Variants in CEP192 observed in about 807,000 individuals in gnomAD.
CEP192 encodes the protein centrosomal protein 192, also known as centrosomal protein of 192 kDa.
CEP192 carries 151 observed loss-of-function variants against 271.8 expected under a neutral mutation model. The ratio of observed to expected loss-of-function variants is 0.56; its 90% CI spans 0.49 to 0.64. CEP192 has a LOEUF of 0.64. Ranked by LOEUF, CEP192 falls within the 30% of genes least tolerant of loss-of-function variation. The pLI is 0.00. For missense variants in CEP192, 2,910 were observed against 3,020.5 expected, an observed-to-expected ratio of 0.96 and a Z score of 0.86; for synonymous variants, 995 against 1,076.5, an observed-to-expected ratio of 0.92 and a Z score of 1.48.
rs1164843051 is a variant in CEP192 at position 13,116,563 on chromosome 18, A to G, written c.7416+60A>G. 5 of 1,442,320 alleles carry G rather than the reference A, an allele frequency of 3.5e-6. No homozygotes were observed. The Admixed American group carries it at 8.9e-5, about 26-fold the overall frequency. The allele number at this position is 1,442,320 out of a possible 1,614,324, so 89.3% of individuals were successfully genotyped here. On this transcript the variant is annotated intron_variant, in intron 43 of 44. Transcript: ENST00000506447. ...ATACATGCATTCAACTCTGATAACA[A>G]ACATTTTCCTGATGATTCTGTAGAC...
chr18:13,093,447 C>T (rs1699326866), intron 34 of CEP192, among the ~76,000 whole-genome samples: 1 of 152,170 alleles, frequency 6.6e-6, no homozygotes, highest in Admixed American at 6.5e-5. Context: ...CTTAGCCTTT[C>T]CTTATCTTTC....
intron 30 of CEP192, among the ~76,000 whole-genome samples, chr18:13,084,961 G>A (rs559774212): frequency 1.1e-3 from 171 of 150,328 alleles, no homozygotes; most frequent in African/African-American, 3.8e-3. Flanking sequence ...GACTACAAGC[G>A]CATGCCACCA....
chr18:13,006,899 C>T (rs975761543), intron 3 of CEP192, among the ~76,000 whole-genome samples: 3 of 152,188 alleles, frequency 2.0e-5, no homozygotes, highest in African/African-American at 7.2e-5. Context: ...CCTTCCCTCC[C>T]CGTTGTCAGG....
At chr18:13,108,204 G>A (rs1309187245) in intron 40 of CEP192, among the ~76,000 whole-genome samples, 1 of 152,082 alleles carries the variant, frequency 6.6e-6, no homozygotes, top group Non-Finnish European at 1.5e-5. Context: ...ATCCTAGAGG[G>A]AAACTTAGGA....
intron 3 of CEP192, among the ~76,000 whole-genome samples, chr18:13,006,149 C>CT (rs969783162): frequency 2.7e-4 from 41 of 151,370 alleles, no homozygotes; most frequent in South Asian, 1.5e-3. Context: ...TCTATATCTA[C>CT]TTTTTTTTTC....
intron 21 of CEP192, among the ~76,000 whole-genome samples, chr18:13,067,545 G>T (rs1322191295): frequency 6.6e-6 from 1 of 152,096 alleles, no homozygotes; most frequent in Non-Finnish European, 1.5e-5. Flanking sequence ...TTGAAAAGGG[G>T]TCTATAATTT....
At chr18:13,123,612 T>C (rs1052505430) in intron 44 of CEP192, among the ~76,000 whole-genome samples, 11 of 152,144 alleles carry the variant, frequency 7.2e-5, no homozygotes, top group Admixed American at 5.2e-4. Flanking sequence ...CCCTGTGAGC[T>C]CAGAACTTTC....
At position 13,071,091 on chromosome 18, in the gene CEP192, AAAGGCGAAGTCATTT is replaced by A. The variant is rs764540986; in HGVS notation, c.5228_5242del (p.Lys1743_Ser1748delinsThr). ...TGGACCTCAGTATGAGGTAGTGTTA[AAAGGCGAAGTCATTT>A]CTTCAGGAAGTAAACCTCTGTCACC... On this transcript the variant is annotated inframe_deletion, in exon 28 of 45. Transcript: ENST00000506447. 1 of 1,614,098 alleles carries A rather than the reference AAAGGCGAAGTCATTT, an allele frequency of 6.2e-7. No individual in the cohort carries two copies. The highest frequency in any genetic ancestry group is 8.5e-7 in the Non-Finnish European group (1 of 1,179,926).
chr18:13,099,149 C>G (rs560770809), intron 36 of CEP192, among the ~76,000 whole-genome samples: 264 of 121,734 alleles, frequency 2.2e-3, no homozygotes, highest in African/African-American at 7.4e-3. Context: ...AGCTTCGGCT[C>G]GGCATCAGAG....
At chr18:13,038,011 C>T (rs1002474663) in intron 12 of CEP192, among the ~76,000 whole-genome samples, 8 of 151,768 alleles carry the variant, frequency 5.3e-5, no homozygotes, top group Non-Finnish European at 1.2e-4. Flanking sequence ...TAACATTCTT[C>T]TTATTATTTT....
intron 9 of CEP192, among the ~76,000 whole-genome samples, chr18:13,026,673 G>T (rs1394395788): frequency 2.6e-5 from 4 of 152,092 alleles, no homozygotes; most frequent in Non-Finnish European, 5.9e-5. Flanking sequence ...GTCTACCAAT[G>T]AGCCCAGCGT....
chr18:13,100,084 T>C (rs2039634007), intron 37 of CEP192, among the ~76,000 whole-genome samples: 1 of 152,136 alleles, frequency 6.6e-6, no homozygotes, highest in African/African-American at 2.4e-5. Flanking sequence ...AGCCTAGAAG[T>C]GATTACTGAT....
Position 13,071,163 on chromosome 18 carries a change from T to C in CEP192, c.5299T>C (p.Ser1767Pro). 6.2e-7 allele frequency: 1 copy of C among 1,614,154 alleles called. No homozygotes were observed. Among genetic ancestry groups the C allele is most frequent in the Non-Finnish European group, 8.5e-7 (1 of 1,180,010 alleles). Residue 1767 changes from serine (S) to proline (P), a missense_variant, in exon 28 of 45, where the codon TCC becomes CCC. Ser to Pro is a moderately conservative substitution (Grantham distance 74). Transcript: ENST00000506447. ...GPCLDIPSIL[S>P]NKQFLAWGGV... ...TTGCTTAGATATTCCATCGATTTTGTCCAACAAACAATTTCTGGCTTGGGG... is the reference window on the plus strand; with the variant it reads ...TTGCTTAGATATTCCATCGATTTTGCCCAACAAACAATTTCTGGCTTGGGG...
chr18:13,004,314 G>C (rs937660499), intron 3 of CEP192, among the ~76,000 whole-genome samples: 2 of 151,706 alleles, frequency 1.3e-5, no homozygotes, highest in African/African-American at 4.8e-5. Context: ...TTTTTTTGTG[G>C]TGGGAGAAGT....
chr18:13,028,731 G>C (rs1367251086), intron 9 of CEP192, among the ~76,000 whole-genome samples: 1 of 152,018 alleles, frequency 6.6e-6, no homozygotes, highest in Non-Finnish European at 1.5e-5. Flanking sequence ...TGTTGGCCAG[G>C]GTGGTCTCGA....
chr18:13,095,513 G>C lies in CEP192; in HGVS notation c.6265G>C (p.Ala2089Pro), dbSNP rs140076549. ...TAAATAATTTTTTAGCGACTTGGGA[G>C]CTTCTGGGAAACATGGTGGCAACGT... ...ASLESTSDLG[A>P]SGKHGGNVSL... The change falls in exon 35 of 45, where the codon GCT becomes CCT. Residue 2089 changes from alanine to proline, a missense_variant. Coordinates refer to ENST00000506447, the MANE Select transcript of CEP192 (RefSeq NM_032142.4). 190 of 1,606,022 alleles carry C rather than the reference G, an allele frequency of 1.2e-4. 3 individuals carry two copies. In the Middle Eastern group the frequency reaches 6.1e-3, roughly 52 times the overall value.
chr18:13,116,322 G>GT lies in CEP192; in HGVS notation c.7290-52dup, dbSNP rs1234437728. On this transcript the variant is annotated intron_variant, in intron 42 of 44. Transcript: ENST00000506447. ...TACATAATTTTAATATATAAAAACAGTTTAAGTTACTGTGGATTTCAGATT... is the reference window on the plus strand; with the variant it reads ...TACATAATTTTAATATATAAAAACAGTTTTAAGTTACTGTGGATTTCAGATT... 3.2e-6 allele frequency: 5 copies of GT among 1,558,662 alleles called. No homozygotes were observed. In the Admixed American group the frequency reaches 7.5e-5, roughly 23 times the overall value.
At position 13,029,701 on chromosome 18, in the gene CEP192, G is replaced by A. The variant is rs761956094; in HGVS notation, c.1089G>A (p.Arg363=). ...AAGATGTTCTGGTGAAGACCCTCAG[G>A]GCTATTGATGTGAAACTTAACTCTG... ...ASKDVLVKTL[R]AIDVKLNSDN... The change falls in exon 10 of 45, where the codon AGG becomes AGA. Residue 363 remains arginine, a synonymous_variant. Transcript: ENST00000506447. 307 of 1,549,804 alleles carry A rather than the reference G, an allele frequency of 2.0e-4. 1 individual carries two copies. The highest frequency in any genetic ancestry group is 8.3e-4 in the Middle Eastern group (5 of 6,012).
intron 2 of CEP192, chr18:13,000,251 T>C (rs1419466538): frequency 6.6e-6 from 1 of 152,024 alleles, no homozygotes; most frequent in Non-Finnish European, 1.5e-5. Flanking sequence ...TGAGCTACCA[T>C]ACCTGGCCTC....
Sources: allele counts gnomAD v4.1 joint callset (sites outside exome capture counted in the v4.1 genomes callset), GRCh38; gene constraint gnomAD v4.1.1; transcripts MANE v1.5; gene names NCBI Gene and HGNC (gene_info 2026-07-23, HGNC 2026-07-21).